Variants in PALM2AKAP2 observed in about 807,000 individuals in gnomAD.
PALM2AKAP2 encodes PALM2 and AKAP2 fusion, also known as PALM2-AKAP2 fusion protein.
A neutral mutation model predicts 71.5 loss-of-function variants in PALM2AKAP2; 37 were observed. The ratio of observed to expected loss-of-function variants is 0.52; its 90% confidence interval spans 0.40 to 0.68. PALM2AKAP2 has a LOEUF of 0.68. Among genes scored for constraint, PALM2AKAP2 ranks in the 30% least tolerant of loss-of-function variants. PALM2AKAP2 has a pLI of 0.00. For missense variants in PALM2AKAP2, 1,224 were observed against 1,191.8 expected, an observed-to-expected ratio of 1.03 and a Z score of -0.40; for synonymous variants, 468 against 478.8, an observed-to-expected ratio of 0.98 and a Z score of 0.29.
At chr9:109,700,395 G>A (rs1033496375) in intron 1 of PALM2AKAP2, among the ~76,000 whole-genome samples, 27 of 152,152 alleles carry the variant, frequency 1.8e-4, no homozygotes, top group Middle Eastern at 3.4e-3. Flanking sequence ...TTCGCCTTCC[G>A]CCATGATTTT....
At chr9:109,899,973 C>G (rs1242528300) in intron 3 of PALM2AKAP2, among the ~76,000 whole-genome samples, 1 of 152,196 alleles carries the variant, frequency 6.6e-6, no homozygotes, top group Non-Finnish European at 1.5e-5. Context: ...GGGGTAAACA[C>G]ACTACAGTGT....
intron 3 of PALM2AKAP2, among the ~76,000 whole-genome samples, chr9:109,910,949 G>A (rs1830555076): frequency 6.6e-6 from 1 of 152,212 alleles, no homozygotes; most frequent in Non-Finnish European, 1.5e-5. Flanking sequence ...CTTATTTTTA[G>A]TATGGAAAGA....
chr9:109,930,414 C>T (rs1009023660), intron 5 of PALM2AKAP2, among the ~76,000 whole-genome samples: 3 of 152,104 alleles, frequency 2.0e-5, no homozygotes, highest in Non-Finnish European at 4.4e-5. Flanking sequence ...TTAGTAGAGA[C>T]GGGGTTTTGC....
intron 1 of PALM2AKAP2, among the ~76,000 whole-genome samples, chr9:110,066,013 C>T (rs568389492): frequency 6.6e-6 from 1 of 152,266 alleles, no homozygotes; most frequent in South Asian, 2.1e-4. Flanking sequence ...GAGGTTAATC[C>T]ATCTATGAGG....
chr9:109,724,158 T>A (rs1218940642), intron 1 of PALM2AKAP2, among the ~76,000 whole-genome samples: 3 of 152,090 alleles, frequency 2.0e-5, no homozygotes, highest in African/African-American at 7.2e-5. Flanking sequence ...CAATAAAAAT[T>A]TAAAACACCA....
chr9:110,157,809 T>G (rs575720262), intron 3 of PALM2AKAP2, among the ~76,000 whole-genome samples: 1 of 152,214 alleles, frequency 6.6e-6, no homozygotes, highest in Non-Finnish European at 1.5e-5. Flanking sequence ...TTATTGCCTT[T>G]TATATCCTAG....
At chr9:109,824,887 A>T (rs956908457) in intron 1 of PALM2AKAP2, among the ~76,000 whole-genome samples, 3 of 152,182 alleles carry the variant, frequency 2.0e-5, no homozygotes, top group African/African-American at 7.2e-5. Flanking sequence ...GCTGTTAACG[A>T]TGTCATGTTT....
At chr9:109,794,853 G>A (rs10980042) in intron 1 of PALM2AKAP2, among the ~76,000 whole-genome samples, 24,996 of 152,218 alleles carry the variant, frequency 0.16, 2,691 homozygotes, top group East Asian at 0.34. Flanking sequence ...TGTGAAATCG[G>A]GTTAAAGAAT....
At chr9:109,780,177 G>A, upstream of PALM2AKAP2, 2 of 546,184 alleles carry the variant, frequency 3.7e-6, no homozygotes, top group Non-Finnish European at 4.7e-6. Context: ...GGGCTAGCGC[G>A]CCCTCCCGGC....
intron 1 of PALM2AKAP2, chr9:110,125,402 C>G (rs2119027496): frequency 1.3e-6 from 1 of 757,664 alleles, no homozygotes; most frequent in African/African-American, 1.9e-5. Flanking sequence ...GGCCAGGCCT[C>G]TCCGAAGGAG....
chr9:109,839,106 C>A (rs1016477734), intron 1 of PALM2AKAP2, among the ~76,000 whole-genome samples: 1 of 152,186 alleles, frequency 6.6e-6, no homozygotes, highest in South Asian at 2.1e-4. Context: ...AGACCAATAT[C>A]CCTGATGAAC....
intron 3 of PALM2AKAP2, among the ~76,000 whole-genome samples, chr9:109,921,269 C>T (rs1588009776): frequency 6.6e-6 from 1 of 152,086 alleles, no homozygotes; most frequent in East Asian, 1.9e-4. Context: ...TGCCCTCTGT[C>T]TGAGGAATTT....
At chr9:109,659,369 CT>C (rs1401775759) in intron 1 of PALM2AKAP2, among the ~76,000 whole-genome samples, 1 of 152,150 alleles carries the variant, frequency 6.6e-6, no homozygotes, top group African/African-American at 2.4e-5. Context: ...TTTTAGAACA[CT>C]TTTTTAAGCC....
intron 5 of PALM2AKAP2, 89 bp from the exon 6 acceptor site, chr9:109,931,838 T>G: frequency 6.9e-7 from 1 of 1,443,774 alleles, no homozygotes; most frequent in Non-Finnish European, 9.6e-7. Context: ...CGGTCCATTA[T>G]GTAGGGCAGA....
At chr9:109,708,555 T>A (rs1359833450) in intron 1 of PALM2AKAP2, among the ~76,000 whole-genome samples, 3 of 152,228 alleles carry the variant, frequency 2.0e-5, no homozygotes, top group African/African-American at 7.2e-5. Context: ...CAAAGCCATG[T>A]GCACCGCCAA....
chr9:110,034,315 C>A (rs1050631020), intron 7 of PALM2AKAP2, among the ~76,000 whole-genome samples: 2 of 152,106 alleles, frequency 1.3e-5, no homozygotes, highest in Admixed American at 6.5e-5. Flanking sequence ...TGTGCCACCA[C>A]GCCCGGCTAA....
At chr9:109,868,434 C>T (rs1426385254) in intron 2 of PALM2AKAP2, among the ~76,000 whole-genome samples, 1 of 152,222 alleles carries the variant, frequency 6.6e-6, no homozygotes, top group Non-Finnish European at 1.5e-5. Flanking sequence ...CTCCTGCTTA[C>T]CTCATGTTGC....
chr9:110,055,846 T>C (rs1393610174), intron 1 of PALM2AKAP2, among the ~76,000 whole-genome samples: 1 of 152,154 alleles, frequency 6.6e-6, no homozygotes, highest in African/African-American at 2.4e-5. Context: ...TTTAGTCTTT[T>C]ATGAGTTAGA....
chr9:109,826,064 G>A (rs1475013575), intron 1 of PALM2AKAP2, among the ~76,000 whole-genome samples: 1 of 152,164 alleles, frequency 6.6e-6, no homozygotes, highest in African/African-American at 2.4e-5. Context: ...GTCCTTTGTA[G>A]GGACATGGAT....
Sources: allele counts gnomAD v4.1 joint callset (sites outside exome capture counted in the v4.1 genomes callset), GRCh38; gene constraint gnomAD v4.1.1; transcripts MANE v1.5; gene names NCBI Gene and HGNC (gene_info 2026-07-23, HGNC 2026-07-21).